The following PCDHGB1 variants were observed in gnomAD, a reference collection of about 807,000 sequenced individuals.
The protein encoded by PCDHGB1 is protocadherin gamma subfamily B, 1.
Under a neutral mutation model 56.6 loss-of-function variants are expected in PCDHGB1, and 34 were observed. The ratio of observed to expected loss-of-function variants is 0.60; its 90% CI spans 0.46 to 0.80. The LOEUF is 0.80. Ranked by LOEUF, PCDHGB1 falls within the 30% of genes least tolerant of loss-of-function variation. The pLI, the probability that PCDHGB1 is intolerant of heterozygous loss-of-function variation, is 0.00. For synonymous variants in PCDHGB1, 561 were observed against 505.9 expected (o/e 1.11, Z -1.46); for missense variants, 1,278 against 1,204.6 (o/e 1.06, Z -0.90).
At chr5:141,364,414 C>T in intron 1 of PCDHGB1, 3 of 1,612,330 alleles carry the variant, frequency 1.9e-6, no homozygotes, top group Non-Finnish European at 2.5e-6. Flanking sequence ...AGCCAGGATC[C>T]GGGCAGATCC....
At chr5:141,468,871 T>TAAG (rs796694379) in intron 1 of PCDHGB1, among the ~76,000 whole-genome samples, 1 of 148,338 alleles carries the variant, frequency 6.7e-6, no homozygotes, top group African/African-American at 2.5e-5. Flanking sequence ...ATCTCAAAAA[T>TAAG]AATAATAATA....
At chr5:141,507,432 C>T (rs2099860585) in intron 3 of PCDHGB1, 1 of 152,198 alleles carries the variant, frequency 6.6e-6, no homozygotes. Flanking sequence ...GGGGCCAGGC[C>T]TACAGCTGAC....
At chr5:141,361,801 A>C (rs1312731980) in intron 1 of PCDHGB1, 1 of 1,613,040 alleles carries the variant, frequency 6.2e-7, no homozygotes, top group Non-Finnish European at 8.5e-7. Flanking sequence ...GGGCGACCTC[A>C]ATGACAATGC....
intron 1 of PCDHGB1, chr5:141,398,702 C>G: frequency 6.2e-7 from 1 of 1,613,832 alleles, no homozygotes; most frequent in Non-Finnish European, 8.5e-7. Flanking sequence ...AGTAAATACC[C>G]GGAACTGGCA....
At chr5:141,399,497 T>C in intron 1 of PCDHGB1, 1 of 1,614,030 alleles carries the variant, frequency 6.2e-7, no homozygotes, top group Non-Finnish European at 8.5e-7. Flanking sequence ...TTAGTCAGTG[T>C]ACCCGAAAAC....
intron 1 of PCDHGB1, chr5:141,383,728 G>GGT (rs1554087976): frequency 1.9e-6 from 3 of 1,613,878 alleles, no homozygotes; most frequent in Non-Finnish European, 2.5e-6. Flanking sequence ...CAATGGGGAA[G>GGT]TGACATATTC....
At position 141,376,627 on chromosome 5, in the gene PCDHGB1, A is replaced by G. The variant is rs183524096; in HGVS notation, c.2409+23958A>G. On this transcript the variant is annotated intron_variant, in intron 1 of 3. Transcript: ENST00000523390. ...AGCGAACCTCTTTTGGTACAGGAAG[A>G]TTCGTGATTTTGTAAAGTGGAAGAC... 863 of 1,127,968 alleles carry G rather than the reference A, an allele frequency of 7.7e-4. 3 individuals carry two copies. Among genetic ancestry groups the G allele is most frequent in the Middle Eastern group, 3.8e-3 (17 of 4,452 alleles). The allele number at this position is 1,127,968 out of a possible 1,614,324, so 69.9% of individuals were successfully genotyped here. A position where few individuals can be genotyped will look rare whatever the true frequency, so the allele number is the denominator to read the frequency against.
rs775963212 is a variant in PCDHGB1, at chr5:141,485,463, G to T, written c.2410-9344G>T. ...CCAATCGACCGAGAGGCACTGTGTG[G>T]GCTCAGTGCCAGCTGCATCGTGCCC... On this transcript the variant is annotated intron_variant, in intron 1 of 3. Coordinates refer to ENST00000523390, the MANE Select transcript of PCDHGB1 (RefSeq NM_018922.3). The surrounding 1 kb of genome is among the most constrained non-coding windows in gnomAD (Gnocchi z 5.7). The T allele has an allele frequency of 1.2e-6, 2 of 1,614,086 alleles. No individual in the cohort carries two copies. The highest frequency in any genetic ancestry group is 3.3e-5 in the Admixed American group (2 of 60,026).
chr5:141,357,886 T>C lies in PCDHGB1; in HGVS notation c.2409+5217T>C, dbSNP rs144492107. 2.4e-4 allele frequency among the ~76,000 whole-genome samples: 37 copies of C among 152,312 alleles called. No individual in the cohort carries two copies. In the East Asian group the frequency reaches 5.6e-3, roughly 23 times the overall value. On this transcript the variant is annotated intron_variant, in intron 1 of 3. Coordinates refer to ENST00000523390, the MANE Select transcript of PCDHGB1 (RefSeq NM_018922.3). Reference sequence around the variant, plus strand: ...AATTTTACAACTCTGAGCCACCTCATTTCCTTAAATTTCCTTTTCTGTGCT... The same window carrying C: ...AATTTTACAACTCTGAGCCACCTCACTTCCTTAAATTTCCTTTTCTGTGCT...
At chr5:141,361,700 A>G (rs1200553765) in intron 1 of PCDHGB1, 2 of 1,613,456 alleles carry the variant, frequency 1.2e-6, no homozygotes, top group Non-Finnish European at 1.7e-6. Context: ...GCCTTCGATC[A>G]TGAGCAGCTG....
At chr5:141,388,571 C>A in intron 1 of PCDHGB1, 2 of 1,613,830 alleles carry the variant, frequency 1.2e-6, no homozygotes, top group Non-Finnish European at 1.7e-6. Context: ...CACAGATACA[C>A]GTTCTAGTGA....
chr5:141,363,969 G>T (rs1161441825), intron 1 of PCDHGB1, among the ~76,000 whole-genome samples: 14 of 152,250 alleles, frequency 9.2e-5, no homozygotes, highest in East Asian at 1.9e-4. Context: ...TGGAAGTCTT[G>T]CTATTCAGAA....
chr5:141,360,603 A>G, intron 1 of PCDHGB1: 1 of 1,614,056 alleles, frequency 6.2e-7, no homozygotes, highest in Non-Finnish European at 8.5e-7. Flanking sequence ...CACTTGACCC[A>G]GCCCTGGATT....
At chr5:141,391,561 G>T (rs2092390304) in intron 1 of PCDHGB1, 2 of 152,026 alleles carry the variant, frequency 1.3e-5, no homozygotes. Flanking sequence ...TTTTCCATAT[G>T]CATAAGAAAA....
Position 141,351,403 on chromosome 5 carries a change from T to C in PCDHGB1, c.1143T>C (p.Tyr381=). The C allele has an allele frequency of 4.3e-6, 7 of 1,611,574 alleles. No individual in the cohort carries two copies. The highest frequency in any genetic ancestry group is 5.1e-6 in the Non-Finnish European group (6 of 1,178,676). ...GGCAAAATGGCATGGTGACATGCTATACTCAGGAAGAAGTTCCTTTCAAAT... is the reference window on the plus strand; with the variant it reads ...GGCAAAATGGCATGGTGACATGCTACACTCAGGAAGAAGTTCCTTTCAAAT... ...DSGQNGMVTC[Y]TQEEVPFKLE... The change falls in exon 1 of 4, where the codon TAT becomes TAC. Residue 381 remains tyrosine (Y), a synonymous_variant. Transcript: ENST00000523390.
intron 1 of PCDHGB1, chr5:141,428,021 C>T: frequency 1.2e-6 from 2 of 1,605,604 alleles, no homozygotes; most frequent in Non-Finnish European, 1.7e-6. Context: ...TGCCACGCGC[C>T]GCAGAGTCCG....
At chr5:141,360,708 T>C in intron 1 of PCDHGB1, 1 of 1,613,948 alleles carries the variant, frequency 6.2e-7, no homozygotes, top group South Asian at 1.1e-5. Context: ...GTCGTAAATA[T>C]CCTGAGTTGA....
chr5:141,494,446 G>C (rs1046119515), intron 1 of PCDHGB1, among the ~76,000 whole-genome samples: 2 of 152,172 alleles, frequency 1.3e-5, no homozygotes, highest in African/African-American at 4.8e-5. Context: ...TGCCACTTTA[G>C]GGGGCTTTGT....
intron 1 of PCDHGB1, among the ~76,000 whole-genome samples, chr5:141,463,438 C>CTTTTTTTTT (rs71576115): frequency 4.8e-5 from 5 of 103,252 alleles, no homozygotes; most frequent in African/African-American, 2.2e-4. Context: ...TTTCCTTCTC[C>CTTTTTTTTT]TTTTTTTTTT....
Sources: gnomAD v4.1 joint callset for allele counts (sites outside exome capture counted in the v4.1 genomes callset) on GRCh38, gnomAD v4.1.1 for gene constraint, Gnocchi (gnomAD v3.1) non-coding constraint, MANE v1.5 for transcripts, NCBI Gene and HGNC (gene_info 2026-07-23, HGNC 2026-07-21) for gene names.